Variants in TRABD2B observed in about 807,000 individuals in gnomAD.
TRABD2B encodes the protein TraB domain containing 2B.
In TRABD2B, 14 loss-of-function variants were observed where a neutral mutation model predicts 40.1. That is an observed-to-expected ratio of 0.35 (90% CI 0.23 to 0.55). The LOEUF (loss-of-function observed/expected upper bound fraction) is 0.55, where lower values mean the gene tolerates loss of function less well. Ranked by LOEUF, TRABD2B falls within the 20% of genes least tolerant of loss-of-function variation. TRABD2B has a pLI of 0.90. For synonymous variants in TRABD2B, 263 were observed against 277.0 expected, an observed-to-expected ratio of 0.95 and a Z score of 0.50; for missense variants, 541 against 648.6, an observed-to-expected ratio of 0.83 and a Z score of 1.80.
chr1:47,901,525 C>T (rs932533107), intron 2 of TRABD2B, among the ~76,000 whole-genome samples: 2 of 152,218 alleles, frequency 1.3e-5, no homozygotes, highest in African/African-American at 4.8e-5. Flanking sequence ...AGTCCTCTGC[C>T]TCCAGGCCAG....
At chr1:47,798,251 G>C (rs1158163996) in intron 3 of TRABD2B, among the ~76,000 whole-genome samples, 1 of 152,208 alleles carries the variant, frequency 6.6e-6, no homozygotes, top group South Asian at 2.1e-4. Context: ...GGTTTGACCA[G>C]AACAGTCCAG....
At chr1:47,879,190 A>G (rs955232765) in intron 2 of TRABD2B, among the ~76,000 whole-genome samples, 2 of 152,230 alleles carry the variant, frequency 1.3e-5, no homozygotes, top group African/African-American at 2.4e-5. Flanking sequence ...TCACCAGTAT[A>G]TGGCCTAGTC....
chr1:47,815,030 G>A (rs1244406238), intron 2 of TRABD2B, among the ~76,000 whole-genome samples: 1 of 152,188 alleles, frequency 6.6e-6, no homozygotes, highest in Non-Finnish European at 1.5e-5. Context: ...AAGTGCCCAA[G>A]GTCACACAGC....
chr1:47,981,434 A>C (rs551304298), intron 2 of TRABD2B, among the ~76,000 whole-genome samples: 58 of 152,302 alleles, frequency 3.8e-4, no homozygotes, highest in Non-Finnish European at 5.6e-4. Flanking sequence ...CAAGTGAATT[A>C]CCGCTCTGTG....
chr1:47,884,957 G>A (rs1473020733), intron 2 of TRABD2B, among the ~76,000 whole-genome samples: 1 of 152,006 alleles, frequency 6.6e-6, no homozygotes, highest in Non-Finnish European at 1.5e-5. Flanking sequence ...ATGGCACTCT[G>A]CCTCCCACTT....
intron 2 of TRABD2B, among the ~76,000 whole-genome samples, chr1:47,936,828 C>T (rs1645112299): frequency 6.6e-6 from 1 of 151,996 alleles, no homozygotes. Flanking sequence ...CCATTTACAA[C>T]ACATTGATCA....
intron 2 of TRABD2B, among the ~76,000 whole-genome samples, chr1:47,892,801 A>G (rs192255095): frequency 6.6e-6 from 1 of 152,338 alleles, no homozygotes; most frequent in African/African-American, 2.4e-5. Context: ...GAGGAAATGG[A>G]AGCCATCATC....
intron 2 of TRABD2B, among the ~76,000 whole-genome samples, chr1:47,872,634 C>A (rs931095337): frequency 6.6e-6 from 1 of 152,112 alleles, no homozygotes; most frequent in Non-Finnish European, 1.5e-5. Context: ...AGAAGTAAGG[C>A]CAAGGAAGAG....
At chr1:47,844,485 C>T (rs1645441784) in intron 2 of TRABD2B, among the ~76,000 whole-genome samples, 1 of 152,194 alleles carries the variant, frequency 6.6e-6, no homozygotes, top group South Asian at 2.1e-4. Flanking sequence ...AGCCCTCCAA[C>T]TCCAATCCCT....
chr1:47,984,328 A>G (rs1645886246), intron 2 of TRABD2B, among the ~76,000 whole-genome samples: 1 of 152,234 alleles, frequency 6.6e-6, no homozygotes, highest in South Asian at 2.1e-4. Flanking sequence ...GCGAGGACAT[A>G]CACACTGCGG....
intron 2 of TRABD2B, among the ~76,000 whole-genome samples, chr1:47,817,114 GA>G (rs1207211565): frequency 1.3e-5 from 2 of 152,268 alleles, no homozygotes; most frequent in African/African-American, 4.8e-5. Context: ...AGGAAGGAAG[GA>G]GGGGAGGAGT....
At chr1:47,845,660 A>C (rs922355173) in intron 2 of TRABD2B, among the ~76,000 whole-genome samples, 1 of 152,212 alleles carries the variant, frequency 6.6e-6, no homozygotes, top group African/African-American at 2.4e-5. Context: ...ATGTGCAGCA[A>C]ATTCATTATA....
chr1:47,807,195 A>G (rs1437655522), intron 2 of TRABD2B, among the ~76,000 whole-genome samples: 1 of 152,216 alleles, frequency 6.6e-6, no homozygotes, highest in East Asian at 1.9e-4. Flanking sequence ...AGCCACATGG[A>G]TTCCTCACAC....
At chr1:47,870,113 T>C (rs1465469752) in intron 2 of TRABD2B, among the ~76,000 whole-genome samples, 1 of 152,194 alleles carries the variant, frequency 6.6e-6, no homozygotes, top group Non-Finnish European at 1.5e-5. Flanking sequence ...ATTTAAAATT[T>C]CACCAATCAA....
intron 2 of TRABD2B, among the ~76,000 whole-genome samples, chr1:47,989,759 C>CACACACACACACACAA: frequency 6.6e-6 from 1 of 151,762 alleles, no homozygotes; most frequent in East Asian, 1.9e-4. Flanking sequence ...AACACACACA[C>CACACACACACACACAA]ACACACACAC....
chr1:47,778,494 G>T lies in TRABD2B; in HGVS notation c.1039C>A (p.Leu347Met), dbSNP rs1235047419. ...TVIDILRQAG[L>M]EVDHTPAGQA... The stretch of plus-strand genomic sequence containing the variant: ...CCGGCGGGTGTGTGGTCCACCTCCA[G>T]CCCTGCCTGCCGCAGGATGTCGATG... The change falls in exon 5 of 7, where the codon CTG becomes ATG. Residue 347 changes from leucine to methionine, a missense_variant. By Grantham distance (15) the Leu-to-Met change is conservative (BLOSUM62 2). Coordinates refer to ENST00000606738, the MANE Select transcript of TRABD2B (RefSeq NM_001194986.2). The T allele has an allele frequency of 1.3e-6, 2 of 1,536,026 alleles. No individual in the cohort carries two copies. Among genetic ancestry groups the T allele is most frequent in the Admixed American group, 2.0e-5 (1 of 50,988 alleles).
chr1:47,914,244 C>T (rs1458876192), intron 2 of TRABD2B, among the ~76,000 whole-genome samples: 1 of 152,226 alleles, frequency 6.6e-6, no homozygotes, highest in Non-Finnish European at 1.5e-5. Flanking sequence ...GGTAAAATGA[C>T]CCCTGGTTGA....
At chr1:47,885,321 A>G (rs1644356554) in intron 2 of TRABD2B, among the ~76,000 whole-genome samples, 1 of 152,106 alleles carries the variant, frequency 6.6e-6, no homozygotes, top group Non-Finnish European at 1.5e-5. Flanking sequence ...AGGCCAGGCT[A>G]GGTGTGTTCT....
At chr1:47,880,311 G>C (rs115327990) in intron 2 of TRABD2B, among the ~76,000 whole-genome samples, 2,598 of 151,998 alleles carry the variant, frequency 0.017, 42 homozygotes, top group Non-Finnish European at 0.029. Flanking sequence ...GTGAGACTCG[G>C]TCTCCCCACC....
Sources: allele counts gnomAD v4.1 joint callset (sites outside exome capture counted in the v4.1 genomes callset), GRCh38; gene constraint gnomAD v4.1.1; transcripts MANE v1.5; gene names NCBI Gene and HGNC (gene_info 2026-07-23, HGNC 2026-07-21).